The following LRRC42 variants were observed in gnomAD, a reference collection of about 807,000 sequenced individuals.
The protein encoded by LRRC42 is leucine rich repeat containing 42.
LRRC42 carries 43 observed loss-of-function variants against 44.3 expected under a neutral mutation model. The ratio of observed to expected loss-of-function variants is 0.97; its 90% CI spans 0.76 to 1.25. The LOEUF (loss-of-function observed/expected upper bound fraction) is 1.25, where lower values mean the gene tolerates loss of function less well. Among genes scored for constraint, LRRC42 ranks in the 50% most tolerant of loss-of-function variants. The pLI is 0.00. For synonymous variants in LRRC42, 207 were observed against 195.2 expected (o/e 1.06, Z -0.50); for missense variants, 540 against 509.1 (o/e 1.06, Z -0.58).
In LRRC42 at chr1:53,966,302, C is replaced by A; in HGVS notation, c.934C>A (p.Leu312Met). The stretch of plus-strand genomic sequence containing the variant: ...CTTTCCAAATATGTTTCAGATCGTT[C>A]TGCAGTGGGAGCGTGTGACTGCGGA... ...KTEGWADQIVLQWERVTAEAV... is the reference protein window; with the variant it reads ...KTEGWADQIVMQWERVTAEAV... Residue 312 changes from leucine to methionine, a missense_variant, in exon 8 of 9, where the codon CTG becomes ATG. By Grantham distance (15) the Leu-to-Met change is conservative. Transcript: ENST00000371370. 1 of 1,612,452 alleles carries A rather than the reference C, an allele frequency of 6.2e-7. No individual in the cohort carries two copies. Among genetic ancestry groups the A allele is most frequent in the Non-Finnish European group, 8.5e-7 (1 of 1,178,490 alleles).
chr1:53,952,496 C>G, intron 3 of LRRC42, 24 bp downstream of exon 3: 1 of 1,553,382 alleles, frequency 6.4e-7, no homozygotes, highest in Admixed American at 1.9e-5. Context: ...TTAGATTATT[C>G]GGTATTTTAT....
At chr1:53,961,474 A>G (rs1654994389) in intron 5 of LRRC42, among the ~76,000 whole-genome samples, 1 of 152,140 alleles carries the variant, frequency 6.6e-6, no homozygotes, top group Non-Finnish European at 1.5e-5. Flanking sequence ...CATTCAACAA[A>G]TATTTTTTGA....
At chr1:53,961,076 C>T (rs1256131727) in intron 5 of LRRC42, among the ~76,000 whole-genome samples, 2 of 152,202 alleles carry the variant, frequency 1.3e-5, no homozygotes, top group East Asian at 3.8e-4. Context: ...TATTTAACCA[C>T]TTTGAGCATT....
Position 53,967,869 on chromosome 1 carries a change from C to T in LRRC42, c.1217C>T (p.Ser406Phe). 3.1e-6 allele frequency: 5 copies of T among 1,614,192 alleles called. No individual in the cohort carries two copies. In the South Asian group the frequency reaches 4.4e-5, roughly 14 times the overall value. The part of the protein sequence containing the change: ...FEESETEQNN[S>F]SQPSKQKYVC... ...GAGTCAGAGACAGAACAGAATAACT[C>T]TTCACAACCTTCAAAGCAGAAATAT... is the stretch of plus-strand genomic sequence containing the variant. The change falls in exon 9 of 9, where the codon TCT (serine) becomes TTT (phenylalanine). Residue 406 changes from serine to phenylalanine, a missense_variant. By Grantham distance (155) the Ser-to-Phe change is radical (BLOSUM62 -2). Coordinates refer to ENST00000371370, the MANE Select transcript of LRRC42 (RefSeq NM_001256409.2).
At chr1:53,962,437 T>C (rs1453186992) in intron 7 of LRRC42, 28 bp downstream of exon 7, 5 of 1,354,666 alleles carry the variant, frequency 3.7e-6, no homozygotes, top group Non-Finnish European at 5.3e-6. Context: ...TCCTTGCGGT[T>C]GATGCAGCTT....
rs573708284 is a variant in LRRC42 at position 53,956,109 on chromosome 1, G to A, written c.474-2040G>A. On this transcript the variant is annotated intron_variant, in intron 3 of 8. Transcript: ENST00000371370. ...CAGGGCTGTAGCTGCAGTCCAAGAG[G>A]TTTTGTCAGCACAAAGGGGTTCAGG... 3.1e-3 allele frequency among the ~76,000 whole-genome samples: 476 copies of A among 152,294 alleles called. 4 individuals carry two copies. Among genetic ancestry groups the A allele is most frequent in the Non-Finnish European group, 4.5e-3 (303 of 68,026 alleles).
At chr1:53,962,612 G>A (rs1327306635) in intron 7 of LRRC42, among the ~76,000 whole-genome samples, 1 of 152,120 alleles carries the variant, frequency 6.6e-6, no homozygotes, top group African/African-American at 2.4e-5. Context: ...CTCATGCTCT[G>A]GTCACTAGGT....
chr1:53,967,499 C>T (rs928615480), intron 8 of LRRC42, among the ~76,000 whole-genome samples, 166 bp from the exon 9 acceptor site: 5 of 152,268 alleles, frequency 3.3e-5, no homozygotes, highest in African/African-American at 9.6e-5. Flanking sequence ...CAACCTGTGC[C>T]GCCATGCACA....
Position 53,958,236 on chromosome 1 carries a change from T to A in LRRC42, c.561T>A (p.Asp187Glu), listed in dbSNP as rs1654897717. ...ATCTTTCCTGTTGCAAGCTTGGAGA[T>A]GAGCATGAACTTCTAGAACATCTCA... Reference protein sequence around the residue: ...CLDLSCCKLGDEHELLEHLTN... With the variant: ...CLDLSCCKLGEEHELLEHLTN... Residue 187 changes from aspartate (D) to glutamate (E), a missense_variant, in exon 4 of 9, where the codon GAT (aspartate) becomes GAA (glutamate). Asp to Glu is a conservative substitution (Grantham distance 45). Transcript: ENST00000371370. The A allele has an allele frequency of 6.2e-7, 1 of 1,613,780 alleles. No homozygotes were observed. The highest frequency in any genetic ancestry group is 1.1e-5 in the South Asian group (1 of 91,074).
At position 53,967,957 on chromosome 1, in the gene LRRC42, AC is replaced by A. The variant is rs749092480; in HGVS notation, c.*20del. 7 of 1,602,576 alleles carry A rather than the reference AC, an allele frequency of 4.4e-6. No homozygotes were observed. Among genetic ancestry groups the A allele is most frequent in the Non-Finnish European group, 6.0e-6 (7 of 1,172,396 alleles). ...CCTATTGATTAGTAGATACAAGTTG[AC>A]CTTTCTCTGGCCCCCAGCTCTAGTG... On this transcript the variant is annotated 3_prime_UTR_variant, in exon 9 of 9. Coordinates refer to ENST00000371370, the MANE Select transcript of LRRC42 (RefSeq NM_001256409.2).
At chr1:53,956,751 A>G (rs577085411) in intron 3 of LRRC42, among the ~76,000 whole-genome samples, 5 of 152,360 alleles carry the variant, frequency 3.3e-5, no homozygotes, top group Non-Finnish European at 7.3e-5. Context: ...ATGTTTCTTA[A>G]TCACATTACA....
intron 3 of LRRC42, among the ~76,000 whole-genome samples, chr1:53,953,948 A>G (rs1290711257): frequency 1.3e-5 from 2 of 151,224 alleles, no homozygotes; most frequent in African/African-American, 4.9e-5. Context: ...GGCCAGGCTT[A>G]TCTCGAACTC....
At position 53,960,405 on chromosome 1, in the gene LRRC42, C is replaced by T. The variant is rs767813999; in HGVS notation, c.655C>T (p.Arg219Trp). 15 of 1,613,678 alleles carry T rather than the reference C, an allele frequency of 9.3e-6. No individual in the cohort carries two copies. The highest frequency in any genetic ancestry group is 1.1e-5 in the Non-Finnish European group (13 of 1,179,916). Reference sequence around the variant, plus strand: ...TAATTGTTTATCTGATGCTGGGGTGCGGAAGATGACAGCACCAGTTCGAGT... The same window carrying T: ...TAATTGTTTATCTGATGCTGGGGTGTGGAAGATGACAGCACCAGTTCGAGT... ...KDNCLSDAGV[R>W]KMTAPVRVMK... Residue 219 changes from arginine to tryptophan, a missense_variant, in exon 5 of 9, where the codon CGG (arginine) becomes TGG (tryptophan). Coordinates refer to ENST00000371370, the MANE Select transcript of LRRC42 (RefSeq NM_001256409.2).
At chr1:53,966,990 C>A (rs1655143593) in intron 8 of LRRC42, among the ~76,000 whole-genome samples, 1 of 151,986 alleles carries the variant, frequency 6.6e-6, no homozygotes, top group South Asian at 2.1e-4. Context: ...TTCATTTGTA[C>A]AAGATAAAAA....
intron 7 of LRRC42, among the ~76,000 whole-genome samples, chr1:53,964,739 C>G (rs1206972700): frequency 4.6e-5 from 7 of 152,256 alleles, no homozygotes; most frequent in African/African-American, 1.7e-4. Flanking sequence ...TAAAACAGCC[C>G]TATGGAATGT....
chr1:53,948,253 G>A (rs1048896925), intron 2 of LRRC42, among the ~76,000 whole-genome samples: 3 of 152,146 alleles, frequency 2.0e-5, no homozygotes, highest in Non-Finnish European at 4.4e-5. Flanking sequence ...CGTAGATTCA[G>A]CTCACAATTT....
At chr1:53,967,172 G>T (rs916160483) in intron 8 of LRRC42, among the ~76,000 whole-genome samples, 3 of 152,108 alleles carry the variant, frequency 2.0e-5, no homozygotes, top group African/African-American at 7.2e-5. Context: ...AAATGTAAAG[G>T]TACTAAATAA....
chr1:53,952,093 G>C lies in LRRC42; in HGVS notation c.94G>C (p.Asp32His). 6.2e-7 allele frequency: 1 copy of C among 1,614,238 alleles called. No individual in the cohort carries two copies. The highest frequency in any genetic ancestry group is 8.5e-7 in the Non-Finnish European group (1 of 1,180,034). ...GQLHMVNLALDGVRSSLQKPR... is the reference protein window; with the variant it reads ...GQLHMVNLALHGVRSSLQKPR... ...GCTGCACATGGTCAATCTGGCTCTG[G>C]ATGGTGTCAGGAGTAGCCTGCAGAA... The change falls in exon 3 of 9, where the codon GAT becomes CAT. Residue 32 changes from aspartate to histidine, a missense_variant. Coordinates refer to ENST00000371370, the MANE Select transcript of LRRC42 (RefSeq NM_001256409.2).
At chr1:53,953,737 C>CT (rs1274718786) in intron 3 of LRRC42, among the ~76,000 whole-genome samples, 1,551 of 141,728 alleles carry the variant, frequency 0.011, 25 homozygotes, top group African/African-American at 0.034. Flanking sequence ...AGGTAGCTTA[C>CT]TTTTTTTTTT....
Sources: allele counts gnomAD v4.1 joint callset (sites outside exome capture counted in the v4.1 genomes callset), GRCh38; gene constraint gnomAD v4.1.1; transcripts MANE v1.5; gene names NCBI Gene and HGNC (gene_info 2026-07-23, HGNC 2026-07-21).